Variants in GRIK1 observed in about 807,000 individuals in gnomAD.
GRIK1 encodes glutamate receptor ionotropic, kainate 1.
Under a neutral mutation model 105.7 loss-of-function variants are expected in GRIK1, and 69 were observed. The observed-to-expected ratio is 0.65, with a 90% CI of 0.54 to 0.80. The LOEUF is 0.80. Among genes scored for constraint, GRIK1 ranks in the 30% least tolerant of loss-of-function variants. The pLI is 0.00. For missense variants in GRIK1, 1,109 were observed against 1,167.3 expected (o/e 0.95, Z 0.73); for synonymous variants, 438 against 431.3 (o/e 1.02, Z -0.19).
At chr21:29,573,616 G>A (rs1431096256) in intron 14 of GRIK1, among the ~76,000 whole-genome samples, 3 of 152,100 alleles carry the variant, frequency 2.0e-5, no homozygotes, top group Non-Finnish European at 4.4e-5. Context: ...TTGGGAGGCC[G>A]AGACAGGTGG....
rs1569174567 is a variant in GRIK1 at position 29,867,930 on chromosome 21, GAGA to G, written c.118+71450_118+71452del. Reference sequence around the variant, plus strand: ...AGAAAGAGAGAGAAAGAGAGAAAGAGAGAGAAAGAGAGAGAGAAAGAGAGAGAA... The same window carrying G: ...AGAAAGAGAGAGAAAGAGAGAAAGAGGAAAGAGAGAGAGAAAGAGAGAGAA... On this transcript the variant is annotated intron_variant, in intron 1 of 17. Transcript: ENST00000327783. Among the ~76,000 whole-genome samples the G allele has an allele frequency of 3.1e-5, 3 of 96,194 alleles. 1 individual carries two copies. In the East Asian group the frequency reaches 1.4e-3, roughly 46 times the overall value. The allele number at this position is 96,194 out of a possible 152,430, so 63.1% of individuals were successfully genotyped here. A position where few individuals can be genotyped will look rare whatever the true frequency, so the allele number is the denominator to read the frequency against.
intron 1 of GRIK1, among the ~76,000 whole-genome samples, chr21:29,879,053 G>T (rs2069298217): frequency 6.6e-6 from 1 of 152,098 alleles, no homozygotes; most frequent in Non-Finnish European, 1.5e-5. Context: ...TGAAAGAGGA[G>T]CAGGACAGAG....
chr21:29,736,088 G>A (rs1400621381), intron 1 of GRIK1, among the ~76,000 whole-genome samples: 1 of 152,164 alleles, frequency 6.6e-6, no homozygotes, highest in Non-Finnish European at 1.5e-5. Context: ...TAGAATATTT[G>A]TAAACAGCCT....
At chr21:29,746,219 T>C (rs1257042368) in intron 1 of GRIK1, among the ~76,000 whole-genome samples, 1 of 152,238 alleles carries the variant, frequency 6.6e-6, no homozygotes, top group African/African-American at 2.4e-5. Flanking sequence ...GCATGGTTAA[T>C]TTTAACATCT....
chr21:29,537,822 T>C lies in GRIK1; in HGVS notation c.2670A>G (p.Lys890=). The C allele has an allele frequency of 6.5e-7, 1 of 1,527,562 alleles. No homozygotes were observed. The highest frequency in any genetic ancestry group is 9.1e-7 in the Non-Finnish European group (1 of 1,102,474). 94.6% of individuals were successfully genotyped at this position (1,527,562 alleles called of 1,614,324 possible). Residue 890 remains lysine, a synonymous_variant, in exon 17 of 18, where the codon AAA becomes AAG. Transcript: ENST00000327783. ...FRNKVRFHGR[K]KQSLGVEKCL... ...CCTTCTCTACACCAAGGCTTTGTTTTTTTCTCCCATGAAACCTTACTTTGT... is the reference window on the plus strand; with the variant it reads ...CCTTCTCTACACCAAGGCTTTGTTTCTTTCTCCCATGAAACCTTACTTTGT...
intron 5 of GRIK1, among the ~76,000 whole-genome samples, chr21:29,653,866 T>G (rs970260504): frequency 1.3e-5 from 2 of 152,220 alleles, no homozygotes; most frequent in African/African-American, 4.8e-5. Context: ...GCAGTAATGA[T>G]TTTGACAACT....
chr21:29,568,519 G>A (rs2090663861), intron 14 of GRIK1, among the ~76,000 whole-genome samples: 1 of 152,172 alleles, frequency 6.6e-6, no homozygotes. Flanking sequence ...GACCATGAAA[G>A]CCAGAAATGA....
rs184010327 is a variant in GRIK1 at position 29,730,064 on chromosome 21, C to T, written c.119-36001G>A. Reference sequence around the variant, plus strand: ...GGTTTTATTACTTTAAATGTGGTCCCCTTTTCCAGAAAAGCAGAATTTCTG... The same window carrying T: ...GGTTTTATTACTTTAAATGTGGTCCTCTTTTCCAGAAAAGCAGAATTTCTG... On this transcript the variant is annotated intron_variant, in intron 1 of 17. Coordinates refer to ENST00000327783, the MANE Select transcript of GRIK1 (RefSeq NM_001330994.2). 2.1e-4 allele frequency among the ~76,000 whole-genome samples: 32 copies of T among 152,294 alleles called. No homozygotes were observed. The East Asian group carries it at 3.5e-3, about 17-fold the overall frequency.
At chr21:29,590,562 T>C (rs2061318570) in intron 10 of GRIK1, among the ~76,000 whole-genome samples, 1 of 152,032 alleles carries the variant, frequency 6.6e-6, no homozygotes, top group South Asian at 2.1e-4. Context: ...TGGCAAGTCA[T>C]AGACACACAG....
At position 29,680,606 on chromosome 21, in the gene GRIK1, A is replaced by G. The variant is rs531966950; in HGVS notation, c.545-7442T>C. 2.6e-5 allele frequency among the ~76,000 whole-genome samples: 4 copies of G among 152,354 alleles called. 1 individual carries two copies. The highest frequency in any genetic ancestry group is 9.6e-5 in the African/African-American group (4 of 41,584). ...GTCAGTCGTGGTGTAAAAGTATTAC[A>G]TGGAAAATTCCAGAAATAAACAATT... On this transcript the variant is annotated intron_variant, in intron 3 of 17. Transcript: ENST00000327783.
At chr21:29,561,946 G>T in intron 14 of GRIK1, 97 bp from the exon 15 acceptor site, 2 of 710,746 alleles carry the variant, frequency 2.8e-6, no homozygotes. Context: ...ATGATAGGGA[G>T]GATACTTTCT....
chr21:29,822,700 G>A (rs139648012), intron 1 of GRIK1, among the ~76,000 whole-genome samples: 89 of 152,026 alleles, frequency 5.9e-4, no homozygotes, highest in African/African-American at 1.5e-3. Flanking sequence ...CTTGGACCAC[G>A]TCACCTATAG....
At chr21:29,731,285 G>T (rs969979621) in intron 1 of GRIK1, among the ~76,000 whole-genome samples, 1 of 152,098 alleles carries the variant, frequency 6.6e-6, no homozygotes, top group Non-Finnish European at 1.5e-5. Context: ...TTATCATTTT[G>T]GCCCTCCAGA....
intron 5 of GRIK1, 151 bp downstream of exon 5, chr21:29,654,659 C>A: frequency 1.8e-6 from 1 of 570,992 alleles, no homozygotes; most frequent in South Asian, 2.9e-5. Flanking sequence ...AAGCCTGCTG[C>A]TCAGCATTGC....
chr21:29,938,130 GCTGA>G (rs1203567136), intron 1 of GRIK1, among the ~76,000 whole-genome samples: 2 of 152,166 alleles, frequency 1.3e-5, no homozygotes, highest in Admixed American at 1.3e-4. Context: ...TTGTAAAGGG[GCTGA>G]CTAATTGTAG....
At chr21:29,712,323 A>G (rs2064076610) in intron 1 of GRIK1, among the ~76,000 whole-genome samples, 1 of 152,146 alleles carries the variant, frequency 6.6e-6, no homozygotes, top group African/African-American at 2.4e-5. Context: ...TGCTATAAAA[A>G]TAACGTTTCA....
intron 1 of GRIK1, among the ~76,000 whole-genome samples, chr21:29,935,265 C>G (rs573229549): frequency 5.3e-5 from 8 of 152,090 alleles, no homozygotes; most frequent in Admixed American, 1.3e-4. Flanking sequence ...AATGTGTCCA[C>G]GTGGAAAATC....
chr21:29,755,571 C>G (rs56151039), intron 1 of GRIK1, among the ~76,000 whole-genome samples: 6,452 of 152,258 alleles, frequency 0.042, 199 homozygotes, highest in Non-Finnish European at 0.066. Context: ...CGCAAAACAT[C>G]GCTCCAGAGA....
chr21:29,747,612 C>T (rs187126001), intron 1 of GRIK1, among the ~76,000 whole-genome samples: 121 of 152,228 alleles, frequency 7.9e-4, no homozygotes, highest in Admixed American at 2.2e-3. Context: ...AGGTGGATCA[C>T]GAGGTCAGGA....
Sources: gnomAD v4.1 joint callset for allele counts (sites outside exome capture counted in the v4.1 genomes callset) on GRCh38, gnomAD v4.1.1 for gene constraint, MANE v1.5 for transcripts, NCBI Gene and HGNC (gene_info 2026-07-23, HGNC 2026-07-21) for gene names.